The following MAGI1 variants were observed in gnomAD, a reference collection of about 807,000 sequenced individuals.
The protein encoded by MAGI1 is membrane associated guanylate kinase, WW and PDZ domain containing 1, also known as membrane-associated guanylate kinase, WW and PDZ domain-containing protein 1.
MAGI1 carries 58 observed loss-of-function variants against 139.9 expected under a neutral mutation model. The ratio of observed to expected loss-of-function variants is 0.41; its 90% CI spans 0.34 to 0.52. The LOEUF is 0.52. MAGI1 is among the 20% of genes least tolerant of loss of function. The pLI, the probability that MAGI1 is intolerant of heterozygous loss-of-function variation, is 0.12. For synonymous variants in MAGI1, 812 were observed against 737.9 expected (o/e 1.10, Z -1.63); for missense variants, 1,874 against 1,901.6 (o/e 0.99, Z 0.27).
intron 18 of MAGI1, among the ~76,000 whole-genome samples, chr3:65,371,641 C>T (rs993633464): frequency 6.6e-6 from 1 of 152,136 alleles, no homozygotes; most frequent in Non-Finnish European, 1.5e-5. Flanking sequence ...AGCATTTTAC[C>T]CTAAGTAGAA....
Position 65,938,671 on chromosome 3 carries a change from G to A in MAGI1, c.313+99325C>T, listed in dbSNP as rs144622393. Among the ~76,000 whole-genome samples the A allele has an allele frequency of 3.1e-3, 473 of 152,206 alleles. 2 individuals carry two copies. Among genetic ancestry groups the A allele is most frequent in the African/African-American group, 8.6e-3 (356 of 41,538 alleles). ...GCACCTCTTTGAATGAAGATTTCTC[G>A]TAATAAACCTAGGCGGGACATCCTA... On this transcript the variant is annotated intron_variant, in intron 1 of 22. Transcript: ENST00000402939.
chr3:65,556,331 G>A (rs747830592), intron 2 of MAGI1, among the ~76,000 whole-genome samples: 14 of 151,992 alleles, frequency 9.2e-5, no homozygotes, highest in Non-Finnish European at 1.9e-4. Context: ...TGCTTTTGTC[G>A]CTTAGACTAG....
chr3:65,791,410 G>A (rs951876977), intron 1 of MAGI1, among the ~76,000 whole-genome samples: 5 of 152,152 alleles, frequency 3.3e-5, no homozygotes, highest in African/African-American at 4.8e-5. Context: ...CTGATACCAC[G>A]ATAGACATTC....
Position 65,762,693 on chromosome 3 carries a change from A to G in MAGI1, c.314-140605T>C, listed in dbSNP as rs1157629976. Among the ~76,000 whole-genome samples, 8 of 144,898 alleles carry G rather than the reference A, an allele frequency of 5.5e-5. No individual in the cohort carries two copies. The East Asian group carries it at 1.7e-3, about 30-fold the overall frequency. On this transcript the variant is annotated intron_variant, in intron 1 of 22. Transcript: ENST00000402939. ...GTTATTATAGGTTAGGCACTCTGCT[A>G]AGTCCTCTACATGATTTTCTCATTG...
At chr3:65,880,522 C>A (rs566449845) in intron 1 of MAGI1, among the ~76,000 whole-genome samples, 13 of 152,074 alleles carry the variant, frequency 8.5e-5, no homozygotes, top group Non-Finnish European at 1.5e-4. Flanking sequence ...GTTGGCAGGA[C>A]AATTATGAAC....
chr3:65,778,301 G>C (rs958037634), intron 1 of MAGI1, among the ~76,000 whole-genome samples: 1 of 151,930 alleles, frequency 6.6e-6, no homozygotes, highest in East Asian at 1.9e-4. Context: ...ATGGTGGCGG[G>C]TGCCTGTAAT....
intron 18 of MAGI1, 84 bp downstream of exon 18, chr3:65,375,661 A>C: frequency 8.6e-7 from 1 of 1,167,568 alleles, no homozygotes; most frequent in Non-Finnish European, 1.2e-6. Context: ...ACACTAATCA[A>C]AGAGAGAGAA....
At chr3:65,921,965 G>A (rs2062227128) in intron 1 of MAGI1, among the ~76,000 whole-genome samples, 1 of 147,150 alleles carries the variant, frequency 6.8e-6, no homozygotes, top group Non-Finnish European at 1.5e-5. Context: ...CTACACAAAA[G>A]GAAAGAATAT....
intron 2 of MAGI1, among the ~76,000 whole-genome samples, chr3:65,530,827 A>ATG (rs2078672611): frequency 4.2e-5 from 1 of 23,918 alleles, no homozygotes; most frequent in Admixed American, 4.9e-4. Context: ...ATACACGTAT[A>ATG]TATATATATA....
At chr3:65,872,978 G>T (rs1403242043) in intron 1 of MAGI1, 4 of 152,134 alleles carry the variant, frequency 2.6e-5, no homozygotes, top group African/African-American at 4.8e-5. Flanking sequence ...TATTAATCTG[G>T]TGATGGTTAC....
chr3:65,443,351 T>C (rs1397013947), intron 7 of MAGI1, among the ~76,000 whole-genome samples: 1 of 152,232 alleles, frequency 6.6e-6, no homozygotes, highest in South Asian at 2.1e-4. Context: ...GTTTTTGAAC[T>C]GCACACAACT....
intron 2 of MAGI1, among the ~76,000 whole-genome samples, chr3:65,509,471 G>A (rs942826376): frequency 6.6e-6 from 1 of 152,178 alleles, no homozygotes; most frequent in Admixed American, 6.5e-5. Flanking sequence ...GCCGAAGCAG[G>A]GTGAGGCACT....
chr3:65,609,233 T>C (rs1159945833), intron 2 of MAGI1, among the ~76,000 whole-genome samples: 6 of 152,140 alleles, frequency 3.9e-5, no homozygotes, highest in African/African-American at 7.2e-5. Flanking sequence ...GTTAAGATTT[T>C]TATAACTTGC....
At chr3:65,418,301 T>C (rs527656547) in intron 12 of MAGI1, among the ~76,000 whole-genome samples, 113 of 152,284 alleles carry the variant, frequency 7.4e-4, no homozygotes, top group Non-Finnish European at 1.2e-3. Flanking sequence ...AGTACTATTT[T>C]CTCCTTATTT....
intron 1 of MAGI1, among the ~76,000 whole-genome samples, chr3:65,705,755 A>C (rs2030146388): frequency 6.6e-6 from 1 of 152,230 alleles, no homozygotes; most frequent in African/African-American, 2.4e-5. Context: ...AAATGGCTAC[A>C]AAAGTTTGAG....
chr3:65,694,171 A>C (rs2088936399), intron 1 of MAGI1, among the ~76,000 whole-genome samples: 1 of 152,226 alleles, frequency 6.6e-6, no homozygotes, highest in Admixed American at 6.5e-5. Context: ...AGAGGCATTG[A>C]GAATCAGACT....
chr3:65,918,906 C>T (rs264693), intron 1 of MAGI1, among the ~76,000 whole-genome samples: 116,102 of 151,800 alleles, frequency 0.76, 45,604 homozygotes, highest in East Asian at 0.99. Context: ...CTGTTTTTCT[C>T]AAGGAAGGAT....
At chr3:66,008,419 C>G (rs777942541) in intron 1 of MAGI1, among the ~76,000 whole-genome samples, 1 of 152,144 alleles carries the variant, frequency 6.6e-6, no homozygotes, top group Non-Finnish European at 1.5e-5. Flanking sequence ...CATTTAGTCT[C>G]TAAAACATGA....
At chr3:66,009,981 T>C (rs773154562) in intron 1 of MAGI1, among the ~76,000 whole-genome samples, 6 of 140,488 alleles carry the variant, frequency 4.3e-5, no homozygotes. Context: ...CAGGCTGAGG[T>C]AGGAGAATCG....
Sources: allele counts gnomAD v4.1 joint callset (sites outside exome capture counted in the v4.1 genomes callset), GRCh38; gene constraint gnomAD v4.1.1; transcripts MANE v1.5; gene names NCBI Gene and HGNC (gene_info 2026-07-23, HGNC 2026-07-21).